ANXA8: variants seen among roughly 807,000 people sequenced by gnomAD.
The protein encoded by ANXA8 is VAC-beta.
In ANXA8, 9 loss-of-function variants were observed where a neutral mutation model predicts 26.8. That is an observed-to-expected ratio of 0.34 (90% confidence interval 0.20 to 0.59). The LOEUF is 0.59. Among genes scored for constraint, ANXA8 ranks in the 20% least tolerant of loss-of-function variants. The pLI, the probability that ANXA8 is intolerant of heterozygous loss-of-function variation, is 0.84. For synonymous variants in ANXA8, 39 were observed against 94.8 expected, an observed-to-expected ratio of 0.41 and a Z score of 3.42; for missense variants, 83 against 238.5, an observed-to-expected ratio of 0.35 and a Z score of 4.29.
At chr10:47,565,599 G>A in the ANXA8 span, 14 of 297,842 alleles carry the variant, frequency 4.7e-5, 1 homozygote, top group Admixed American at 3.2e-4. Flanking sequence ...CACGCCCACG[G>A]CCCGGCGCGC....
At chr10:47,563,786 G>C in the ANXA8 span, 1 of 732,806 alleles carries the variant, frequency 1.4e-6, no homozygotes, top group Admixed American at 2.1e-5. Flanking sequence ...TATCGGAACT[G>C]ATTTTTTTTT....
At chr10:47,894,637 C>T in the ANXA8 span, among the ~76,000 whole-genome samples, 2 of 150,642 alleles carry the variant, frequency 1.3e-5, no homozygotes. Context: ...ACACACTACA[C>T]ACACCACACA....
chr10:47,549,609 A>G, the ANXA8 span, among the ~76,000 whole-genome samples: 1 of 143,642 alleles, frequency 7.0e-6, no homozygotes. Flanking sequence ...ACCCAGATGA[A>G]TAAAAGTGCT....
In ANXA8 at chr10:47,480,805, A is replaced by G. The variant is rs1302534656; in HGVS notation, c.22-917T>C. On this transcript the variant is annotated intron_variant, in intron 1 of 11. Transcript: ENST00000585281. ...TACTTTCCCACCTACGCACTTACCC[A>G]TTTGACTACCACATCCATCCATCCA... Among the ~76,000 whole-genome samples, 2 of 121,576 alleles carry G rather than the reference A, an allele frequency of 1.6e-5. 1 individual carries two copies. Among genetic ancestry groups the G allele is most frequent in the Non-Finnish European group, 3.5e-5 (2 of 57,860 alleles). The allele number at this position is 121,576 out of a possible 152,430, so 79.8% of individuals were successfully genotyped here. A position where few individuals can be genotyped will look rare whatever the true frequency, so the allele number is the denominator to read the frequency against.
chr10:47,988,884 G>C, the ANXA8 span, among the ~76,000 whole-genome samples: 1 of 151,758 alleles, frequency 6.6e-6, no homozygotes, highest in Non-Finnish European at 1.5e-5. Context: ...ACTAGGCCCT[G>C]AATGTTTAAA....
chr10:47,729,625 T>C, the ANXA8 span, among the ~76,000 whole-genome samples: 1 of 151,512 alleles, frequency 6.6e-6, no homozygotes, highest in African/African-American at 2.4e-5. Context: ...CATAAGTAAC[T>C]GTGATAAGAA....
the ANXA8 span, among the ~76,000 whole-genome samples, chr10:47,959,963 C>T: frequency 6.6e-6 from 1 of 150,490 alleles, no homozygotes; most frequent in African/African-American, 2.4e-5. Context: ...AGACCACAGC[C>T]CTCACTCGGT....
At chr10:47,901,895 G>A in the ANXA8 span, among the ~76,000 whole-genome samples, 5 of 150,654 alleles carry the variant, frequency 3.3e-5, no homozygotes, top group Non-Finnish European at 5.9e-5. Flanking sequence ...GATATGAACC[G>A]GACATTTAAT....
the ANXA8 span, among the ~76,000 whole-genome samples, chr10:47,495,821 A>C: frequency 2.0e-5 from 3 of 151,352 alleles, no homozygotes; most frequent in Non-Finnish European, 2.9e-5. Context: ...GCAGAAGAAC[A>C]GGGCATGGGG....
chr10:47,675,264 A>C, the ANXA8 span, among the ~76,000 whole-genome samples: 1 of 147,128 alleles, frequency 6.8e-6, no homozygotes, highest in Non-Finnish European at 1.5e-5. Flanking sequence ...ATTAGGTTCC[A>C]GTTGAATCAC....
the ANXA8 span, among the ~76,000 whole-genome samples, chr10:47,610,815 G>A: frequency 1.4e-3 from 164 of 118,090 alleles, no homozygotes; most frequent in African/African-American, 5.3e-3. Context: ...AAGAGCATAG[G>A]AGAAAGTCAA....
At chr10:47,522,187 C>T in the ANXA8 span, among the ~76,000 whole-genome samples, 1 of 141,482 alleles carries the variant, frequency 7.1e-6, no homozygotes, top group African/African-American at 2.6e-5. Context: ...GGAAGTCTGA[C>T]ATTTTAACCT....
the ANXA8 span, among the ~76,000 whole-genome samples, chr10:47,653,063 G>A: frequency 6.6e-6 from 1 of 150,990 alleles, no homozygotes. Flanking sequence ...TATAATCCCA[G>A]CACTTTGGGA....
At chr10:47,554,938 C>T in the ANXA8 span, among the ~76,000 whole-genome samples, 1 of 151,530 alleles carries the variant, frequency 6.6e-6, no homozygotes, top group Non-Finnish European at 1.5e-5. Context: ...TCTCATGAAG[C>T]CCATTCTTGT....
chr10:47,739,907 A>G, the ANXA8 span, among the ~76,000 whole-genome samples: 1 of 138,914 alleles, frequency 7.2e-6, no homozygotes, highest in African/African-American at 2.7e-5. Context: ...AGCCTGGACA[A>G]CATAGCAAGA....
the ANXA8 span, chr10:47,985,956 A>G: frequency 2.0e-5 from 3 of 150,602 alleles, no homozygotes; most frequent in Non-Finnish European, 3.0e-5. Flanking sequence ...ATTCCATTGT[A>G]TGGATTCAAC....
chr10:47,559,238 G>A, the ANXA8 span, among the ~76,000 whole-genome samples: 2 of 134,058 alleles, frequency 1.5e-5, no homozygotes, highest in Non-Finnish European at 3.1e-5. Flanking sequence ...TGTAACCACC[G>A]CCTTAGCCTC....
the ANXA8 span, among the ~76,000 whole-genome samples, chr10:47,684,358 A>G: frequency 6.6e-6 from 1 of 151,558 alleles, no homozygotes; most frequent in East Asian, 2.0e-4. Flanking sequence ...CCTTTGATAT[A>G]AACACTTTTT....
At chr10:47,514,313 C>T in the ANXA8 span, among the ~76,000 whole-genome samples, 4 of 150,252 alleles carry the variant, frequency 2.7e-5, no homozygotes, top group African/African-American at 1.0e-4. Context: ...TCATGGCATT[C>T]CCAGCAACCT....
Sources: gnomAD v4.1 joint callset for allele counts (sites outside exome capture counted in the v4.1 genomes callset) on GRCh38, gnomAD v4.1.1 for gene constraint, MANE v1.5 for transcripts, NCBI Gene and HGNC (gene_info 2026-07-23, HGNC 2026-07-21) for gene names.